ZBTB8A: variants seen among roughly 807,000 people sequenced by gnomAD.
ZBTB8A encodes the protein zinc finger and BTB domain-containing protein 8A.
ZBTB8A carries 19 observed loss-of-function variants against 37.8 expected under a neutral mutation model. The observed-to-expected ratio is 0.50, with a 90% CI of 0.35 to 0.74. ZBTB8A has a LOEUF of 0.74. Among genes scored for constraint, ZBTB8A ranks in the 30% least tolerant of loss-of-function variants. ZBTB8A has a pLI of 0.01. For missense variants in ZBTB8A, 394 were observed against 537.8 expected (o/e 0.73, Z 2.65); for synonymous variants, 181 against 185.2 (o/e 0.98, Z 0.19).
intron 2 of ZBTB8A, among the ~76,000 whole-genome samples, chr1:32,569,154 A>G (rs1027627824): frequency 6.6e-6 from 1 of 152,096 alleles, no homozygotes; most frequent in Non-Finnish European, 1.5e-5. Flanking sequence ...TTTAGCCATG[A>G]TGGTGGGTGT....
At chr1:32,568,498 T>G (rs1298783758) in intron 2 of ZBTB8A, among the ~76,000 whole-genome samples, 1 of 152,104 alleles carries the variant, frequency 6.6e-6, no homozygotes. Flanking sequence ...GCCATTCTCC[T>G]GCCTCAGCCT....
intron 2 of ZBTB8A, among the ~76,000 whole-genome samples, chr1:32,589,332 C>T (rs1163206030): frequency 6.6e-6 from 1 of 151,190 alleles, no homozygotes; most frequent in African/African-American, 2.4e-5. Context: ...CTCACTGCAA[C>T]TTCTGCCTCC....
At chr1:32,569,779 C>CTT (rs112388842) in intron 2 of ZBTB8A, among the ~76,000 whole-genome samples, 2 of 141,632 alleles carry the variant, frequency 1.4e-5, no homozygotes, top group East Asian at 2.0e-4. Context: ...CATGCTATTT[C>CTT]TTTTTTTTTT....
intron 2 of ZBTB8A, among the ~76,000 whole-genome samples, chr1:32,584,325 C>T (rs1644429391): frequency 6.6e-6 from 1 of 151,972 alleles, no homozygotes; most frequent in South Asian, 2.1e-4. Context: ...GTTTGTGGTA[C>T]TTTGTTATGG....
At chr1:32,591,446 T>C (rs982432525) in intron 2 of ZBTB8A, among the ~76,000 whole-genome samples, 8 of 152,092 alleles carry the variant, frequency 5.3e-5, no homozygotes, top group Non-Finnish European at 1.2e-4. Context: ...CTCACACTCC[T>C]GGGCTCAAGC....
intron 2 of ZBTB8A, among the ~76,000 whole-genome samples, chr1:32,562,124 T>TG (rs201471297): frequency 0.019 from 2,887 of 149,754 alleles, 30 homozygotes; most frequent in Non-Finnish European, 0.03. Flanking sequence ...TTTGTTTGTT[T>TG]TTTTTTTTTT....
At chr1:32,574,896 G>T (rs1644348577) in intron 2 of ZBTB8A, among the ~76,000 whole-genome samples, 1 of 152,032 alleles carries the variant, frequency 6.6e-6, no homozygotes. Context: ...TCACAACTCA[G>T]CCCCATCAGT....
At chr1:32,569,769 C>G (rs1444949352) in intron 2 of ZBTB8A, among the ~76,000 whole-genome samples, 3 of 150,098 alleles carry the variant, frequency 2.0e-5, no homozygotes, top group African/African-American at 7.3e-5. Flanking sequence ...TCTTATAGTT[C>G]ATGCTATTTC....
At chr1:32,562,560 C>T (rs1473464010) in intron 2 of ZBTB8A, among the ~76,000 whole-genome samples, 1 of 148,450 alleles carries the variant, frequency 6.7e-6, no homozygotes, top group African/African-American at 2.5e-5. Flanking sequence ...CCTGAGCCAC[C>T]GCGTCCGGCT....
chr1:32,559,756 T>C (rs1456318264), intron 2 of ZBTB8A, among the ~76,000 whole-genome samples: 1 of 152,120 alleles, frequency 6.6e-6, no homozygotes, highest in Non-Finnish European at 1.5e-5. Flanking sequence ...TGAGCCACTA[T>C]GCGTGGCACA....
chr1:32,595,691 C>T (rs1253266447), intron 4 of ZBTB8A, among the ~76,000 whole-genome samples: 1 of 151,348 alleles, frequency 6.6e-6, no homozygotes, highest in Non-Finnish European at 1.5e-5. Context: ...TCTCTATCGC[C>T]CAAGCTGGAG....
At chr1:32,569,274 C>T (rs1644307055) in intron 2 of ZBTB8A, among the ~76,000 whole-genome samples, 3 of 151,668 alleles carry the variant, frequency 2.0e-5, no homozygotes, top group South Asian at 2.1e-4. Context: ...ATCATTTGCC[C>T]GTGGGTTTTT....
chr1:32,593,796 C>T (rs1644508969), intron 3 of ZBTB8A, 42 bp downstream of exon 3: 2 of 1,478,830 alleles, frequency 1.4e-6, no homozygotes, highest in Non-Finnish European at 1.8e-6. Context: ...AGGTTCCAAA[C>T]TGCTATATTA....
chr1:32,541,941 T>TA (rs1162784626), intron 1 of ZBTB8A, among the ~76,000 whole-genome samples: 5 of 152,182 alleles, frequency 3.3e-5, no homozygotes, highest in African/African-American at 1.2e-4. Flanking sequence ...ATCACTGACT[T>TA]ACAATGGCTT....
At chr1:32,581,724 A>G (rs951509477) in intron 2 of ZBTB8A, among the ~76,000 whole-genome samples, 12 of 152,138 alleles carry the variant, frequency 7.9e-5, no homozygotes, top group African/African-American at 2.9e-4. Flanking sequence ...GAGACTGGGT[A>G]ATTCATAAAA....
Position 32,604,879 on chromosome 1 carries a change from G to A in ZBTB8A, c.*4460G>A, listed in dbSNP as rs1282231609. On this transcript the variant is annotated 3_prime_UTR_variant, in exon 5 of 5. Transcript: ENST00000373510. ...AAGGTGTGTTTAACTGGCCGGGCACGGTGGCTCATGCCTGTAATCCTAGCA... is the reference window on the plus strand; with the variant it reads ...AAGGTGTGTTTAACTGGCCGGGCACAGTGGCTCATGCCTGTAATCCTAGCA... The A allele has an allele frequency of 1.3e-5, 2 of 152,140 alleles. No individual in the cohort carries two copies. Among genetic ancestry groups the A allele is most frequent in the South Asian group, 2.1e-4 (1 of 4,822 alleles). The allele number at this position is 152,140 out of a possible 1,614,324, so 9.4% of individuals were successfully genotyped here. A position where few individuals can be genotyped will look rare whatever the true frequency, so the allele number is the denominator to read the frequency against.
chr1:32,577,579 T>C (rs577891112), intron 2 of ZBTB8A, among the ~76,000 whole-genome samples: 3 of 150,806 alleles, frequency 2.0e-5, no homozygotes, highest in South Asian at 4.2e-4. Context: ...ATTTCAGATA[T>C]TGTATTCTTT....
chr1:32,547,608 C>G (rs1366738302), intron 1 of ZBTB8A, among the ~76,000 whole-genome samples: 1 of 112,042 alleles, frequency 8.9e-6, no homozygotes, highest in Non-Finnish European at 1.7e-5. Flanking sequence ...GCCTGAGTGA[C>G]AGAGCAAGTC....
In ZBTB8A at chr1:32,581,238, A is replaced by G. The variant is rs911022661; in HGVS notation, c.-1-11693A>G. 5.3e-3 allele frequency among the ~76,000 whole-genome samples: 399 copies of G among 74,838 alleles called. 7 individuals are homozygous for G. In the East Asian group the frequency reaches 0.065, roughly 12 times the overall value. 49.1% of individuals were successfully genotyped at this position (74,838 alleles called of 152,430 possible). Reference sequence around the variant, plus strand: ...TATATAATATAATATAATATATTATATAATTGTAATATATAGATATATATT... The same window carrying G: ...TATATAATATAATATAATATATTATGTAATTGTAATATATAGATATATATT... On this transcript the variant is annotated intron_variant, in intron 2 of 4. Transcript: ENST00000373510.
Sources: allele counts gnomAD v4.1 joint callset (sites outside exome capture counted in the v4.1 genomes callset), GRCh38; gene constraint gnomAD v4.1.1; transcripts MANE v1.5; gene names NCBI Gene and HGNC (gene_info 2026-07-23, HGNC 2026-07-21).